Variants in INPP4B observed in about 807,000 individuals in gnomAD.
The protein encoded by INPP4B is inositol polyphosphate-4-phosphatase type II B, also known as inositol polyphosphate 4-phosphatase type II.
Under a neutral mutation model 122.5 loss-of-function variants are expected in INPP4B, and 55 were observed. The ratio of observed to expected loss-of-function variants is 0.45; its 90% CI spans 0.36 to 0.56. The LOEUF is 0.56. Ranked by LOEUF, INPP4B falls within the 20% of genes least tolerant of loss-of-function variation. The pLI, the probability that INPP4B is intolerant of heterozygous loss-of-function variation, is 0.00. For missense variants in INPP4B, 1,000 were observed against 1,097.7 expected, an observed-to-expected ratio of 0.91 and a Z score of 1.26; for synonymous variants, 403 against 388.7, an observed-to-expected ratio of 1.04 and a Z score of -0.43.
intron 1 of INPP4B, among the ~76,000 whole-genome samples, chr4:142,764,312 G>A (rs1771770074): frequency 1.3e-5 from 2 of 152,114 alleles, no homozygotes; most frequent in African/African-American, 2.4e-5. Flanking sequence ...AATGGTAGTT[G>A]GAAAAGTATA....
chr4:142,654,367 T>TAAAAAAA (rs10677341), intron 2 of INPP4B: 31 of 100,944 alleles, frequency 3.1e-4, no homozygotes, highest in Non-Finnish European at 3.6e-4. Flanking sequence ...ACTTAAAGTA[T>TAAAAAAA]AAAAAAAAAA....
At position 142,490,240 on chromosome 4, in the gene INPP4B, A is replaced by T. The variant is rs532998763; in HGVS notation, c.-190-27514T>A. On this transcript the variant is annotated intron_variant, in intron 2 of 25. Transcript: ENST00000262992. Reference sequence around the variant, plus strand: ...GCTTGGACCACAAATGCGTGCCACTACCCTAAGCTAATTTTTATATATATA... The same window carrying T: ...GCTTGGACCACAAATGCGTGCCACTTCCCTAAGCTAATTTTTATATATATA... Among the ~76,000 whole-genome samples, 53 of 151,756 alleles carry T rather than the reference A, an allele frequency of 3.5e-4. 1 individual carries two copies. The highest frequency in any genetic ancestry group is 3.3e-3 in the Admixed American group (50 of 15,218).
chr4:142,671,545 T>G (rs1485349278), intron 2 of INPP4B, among the ~76,000 whole-genome samples: 1 of 152,142 alleles, frequency 6.6e-6, no homozygotes, highest in Non-Finnish European at 1.5e-5. Flanking sequence ...TTTCATTGTA[T>G]GGTGCTACAA....
intron 5 of INPP4B, among the ~76,000 whole-genome samples, chr4:142,407,654 C>T (rs1660078286): frequency 6.6e-6 from 1 of 152,098 alleles, no homozygotes; most frequent in Non-Finnish European, 1.5e-5. Context: ...TCTTGGGCTG[C>T]ACTTTTTTCT....
chr4:142,040,121 AGAAGAGGAGGGAG>A (rs1367604780), intron 25 of INPP4B, among the ~76,000 whole-genome samples: 4 of 151,552 alleles, frequency 2.6e-5, no homozygotes, highest in African/African-American at 9.7e-5. Context: ...AAGTGGGGGA[AGAAGAGGAGGGAG>A]GAAGGAGAGG....
chr4:142,289,604 T>C (rs1260936981), intron 9 of INPP4B, among the ~76,000 whole-genome samples: 1 of 152,194 alleles, frequency 6.6e-6, no homozygotes, highest in East Asian at 1.9e-4. Context: ...TCTCATCATT[T>C]AGTTCCCACT....
intron 7 of INPP4B, among the ~76,000 whole-genome samples, chr4:142,382,771 G>A (rs1374415368): frequency 6.7e-6 from 1 of 150,172 alleles, no homozygotes; most frequent in Non-Finnish European, 1.5e-5. Flanking sequence ...TTACCAAGGT[G>A]TCTTGGGCTG....
chr4:142,086,240 C>T lies in INPP4B; in HGVS notation c.2391G>A (p.Gln797=), dbSNP rs1329370345. 2 of 1,555,784 alleles carry T rather than the reference C, an allele frequency of 1.3e-6. No homozygotes were observed. Among genetic ancestry groups the T allele is most frequent in the Non-Finnish European group, 1.8e-6 (2 of 1,127,634 alleles). ...GCAATGCTTTTAAATCATTTTGTTC[C>T]TGAAAATGTGAAATATCTGAAGGGG... The part of the protein sequence containing the change: ...KMPPDYISHF[Q]EQNDLKALLE... Residue 797 remains glutamine, a synonymous_variant, in exon 24 of 26, where the codon CAG becomes CAA. Transcript: ENST00000262992.
chr4:142,595,623 A>G (rs971469980), intron 2 of INPP4B, among the ~76,000 whole-genome samples: 4 of 151,984 alleles, frequency 2.6e-5, no homozygotes, highest in Non-Finnish European at 4.4e-5. Flanking sequence ...TGGGAAAGTA[A>G]ACAAACAGAA....
chr4:142,264,345 T>C lies in INPP4B; in HGVS notation c.616-3781A>G, dbSNP rs929967217. Among the ~76,000 whole-genome samples, 5 of 152,134 alleles carry C rather than the reference T, an allele frequency of 3.3e-5. No homozygotes were observed. The South Asian group carries it at 1.0e-3, about 32-fold the overall frequency. On this transcript the variant is annotated intron_variant, in intron 10 of 25. Coordinates refer to ENST00000262992, the MANE Select transcript of INPP4B (RefSeq NM_001101669.3). ...ACAGGATTTGCTGACATACTAACTG[T>C]GAGTTTATGAGAGGCAGAAAGGAGT...
intron 14 of INPP4B, among the ~76,000 whole-genome samples, chr4:142,195,921 C>T (rs551305914): frequency 6.6e-6 from 1 of 152,272 alleles, no homozygotes; most frequent in East Asian, 1.9e-4. Context: ...GAATCTGTGT[C>T]TTCAATTCAT....
intron 19 of INPP4B, 36 bp from the exon 20 acceptor site, chr4:142,123,451 A>T: frequency 6.3e-7 from 1 of 1,598,112 alleles, no homozygotes; most frequent in Non-Finnish European, 8.5e-7. Flanking sequence ...TACTGCAGTT[A>T]GCAAACGTAT....
chr4:142,137,576 A>T, intron 18 of INPP4B, among the ~76,000 whole-genome samples: 1 of 86,610 alleles, frequency 1.2e-5, no homozygotes, highest in Admixed American at 1.6e-4. Flanking sequence ...AGCAAAAGAA[A>T]CTACCATCAG....
intron 2 of INPP4B, among the ~76,000 whole-genome samples, chr4:142,478,342 T>C (rs1466576281): frequency 6.6e-6 from 1 of 152,186 alleles, no homozygotes; most frequent in African/African-American, 2.4e-5. Flanking sequence ...GAATCTTTCT[T>C]GTTCCTGTTC....
chr4:142,522,191 C>T (rs1210816375), intron 2 of INPP4B, among the ~76,000 whole-genome samples: 2 of 151,820 alleles, frequency 1.3e-5, no homozygotes, highest in African/African-American at 4.8e-5. Context: ...TTATGTTTAT[C>T]AATTTTTAAA....
chr4:142,035,221 T>G (rs987429079), intron 25 of INPP4B, among the ~76,000 whole-genome samples: 6 of 152,174 alleles, frequency 3.9e-5, no homozygotes, highest in South Asian at 2.1e-4. Flanking sequence ...ACCTGGCCTC[T>G]TAGTTCTGCC....
chr4:142,555,685 G>A (rs886721055), intron 2 of INPP4B, among the ~76,000 whole-genome samples: 6 of 151,954 alleles, frequency 3.9e-5, no homozygotes, highest in Admixed American at 2.6e-4. Context: ...TGGCTAACAC[G>A]GTGAAACCCA....
intron 1 of INPP4B, among the ~76,000 whole-genome samples, chr4:142,736,295 C>T (rs1766876451): frequency 1.3e-5 from 2 of 152,100 alleles, no homozygotes; most frequent in South Asian, 4.2e-4. Context: ...ATTTATTTCC[C>T]TAATTTCTAT....
At chr4:142,475,951 C>A (rs894093366) in intron 2 of INPP4B, among the ~76,000 whole-genome samples, 1 of 152,158 alleles carries the variant, frequency 6.6e-6, no homozygotes, top group Non-Finnish European at 1.5e-5. Context: ...ATTTCCTCAA[C>A]CTTATTAGAG....
Sources: allele counts gnomAD v4.1 joint callset (sites outside exome capture counted in the v4.1 genomes callset), GRCh38; gene constraint gnomAD v4.1.1; transcripts MANE v1.5; gene names NCBI Gene and HGNC (gene_info 2026-07-23, HGNC 2026-07-21).